The following PLEKHA8 variants were observed in gnomAD, a reference collection of about 807,000 sequenced individuals.
PLEKHA8 encodes pleckstrin homology domain containing A8, also known as pleckstrin homology domain-containing family A member 8.
In PLEKHA8, 36 loss-of-function variants were observed where a neutral mutation model predicts 68.2. The observed-to-expected ratio is 0.53, with a 90% CI of 0.40 to 0.70. The LOEUF is 0.70. Ranked by LOEUF, PLEKHA8 falls within the 30% of genes least tolerant of loss-of-function variation. The probability of loss-of-function intolerance (pLI) is 0.00; values close to 1 mark genes in which losing one functional copy is unlikely to be tolerated. For synonymous variants in PLEKHA8, 211 were observed against 216.1 expected (o/e 0.98, Z 0.20); for missense variants, 505 against 615.4 (o/e 0.82, Z 1.90).
rs1796472442 is a variant in PLEKHA8 at position 30,115,857 on chromosome 7, T to TGCGTGTACATACATGTATACATACAC, written c.1363-13409_1363-13408insGCGTGTACATACATGTATACATACAC. 4.0e-5 allele frequency: 6 copies of TGCGTGTACATACATGTATACATACAC among 148,908 alleles called. 1 individual carries two copies. Among genetic ancestry groups the TGCGTGTACATACATGTATACATACAC allele is most frequent in the African/African-American group, 1.5e-4 (6 of 40,752 alleles). The allele number at this position is 148,908 out of a possible 1,614,324, so 9.2% of individuals were successfully genotyped here. Reference sequence around the variant, plus strand: ...ATACATGTATACACGTATGCATACATACGTGCACATACATGTAGGCACGCA... The same window carrying TGCGTGTACATACATGTATACATACAC: ...ATACATGTATACACGTATGCATACATGCGTGTACATACATGTATACATACACACGTGCACATACATGTAGGCACGCA... On this transcript the variant is annotated intron_variant, in intron 13 of 13. Coordinates refer to the PLEKHA8 transcript ENST00000396257.
chr7:30,079,350 T>G lies in PLEKHA8; in HGVS notation c.*563T>G, dbSNP rs568303654. 4.1e-6 allele frequency: 4 copies of G among 985,968 alleles called. No individual in the cohort carries two copies. The East Asian group carries it at 3.4e-4, about 84-fold the overall frequency. 61.1% of individuals were successfully genotyped at this position (985,968 alleles called of 1,614,324 possible). A position where few individuals can be genotyped will look rare whatever the true frequency, so the allele number is the denominator to read the frequency against. On this transcript the variant is annotated 3_prime_UTR_variant, in exon 14 of 14. Transcript: ENST00000449726. ...TCAGGGCATTCACATGACCATGCAA[T>G]TGTGGGAGGCGAAGAAGACGTGGAC... is the stretch of plus-strand genomic sequence containing the variant.
chr7:30,116,396 C>G (rs1449192578), intron 13 of PLEKHA8, among the ~76,000 whole-genome samples: 1 of 151,764 alleles, frequency 6.6e-6, no homozygotes, highest in Admixed American at 6.6e-5. Context: ...CGATTTTTCA[C>G]CTAATAGTGT....
chr7:30,069,927 C>G (rs1794123878), intron 12 of PLEKHA8: 1 of 152,114 alleles, frequency 6.6e-6, no homozygotes, highest in Non-Finnish European at 1.5e-5. Flanking sequence ...TTATGTCTTT[C>G]AGAGGCCAAA....
chr7:30,047,210 G>T (rs1204005668), intron 3 of PLEKHA8, among the ~76,000 whole-genome samples: 1 of 151,992 alleles, frequency 6.6e-6, no homozygotes, highest in African/African-American at 2.4e-5. Context: ...AGATAGTAAT[G>T]TGCACTTTTT....
intron 9 of PLEKHA8, among the ~76,000 whole-genome samples, chr7:30,055,573 A>G (rs1323779254): frequency 1.3e-5 from 2 of 152,242 alleles, no homozygotes; most frequent in Non-Finnish European, 2.9e-5. Flanking sequence ...GTAATTTAAA[A>G]GGGGGATCTT....
Position 30,028,776 on chromosome 7 carries a change from T to G in PLEKHA8, c.14T>G (p.Leu5Arg). 1 of 1,270,930 alleles carries G rather than the reference T, an allele frequency of 7.9e-7. No individual in the cohort carries two copies. Among genetic ancestry groups the G allele is most frequent in the Non-Finnish European group, 1.0e-6 (1 of 1,002,324 alleles). 78.7% of individuals were successfully genotyped at this position (1,270,930 alleles called of 1,614,324 possible). The stretch of plus-strand genomic sequence containing the variant: ...GCCGCGGGCGCCATGGAGGGGGTGC[T>G]GTACAAGTGGACCAACTATCTGAGC... MEGVLYKWTNYLSGW... is the reference protein window; with the variant it reads MEGVRYKWTNYLSGW... Residue 5 changes from leucine to arginine, a missense_variant, in exon 1 of 14, where the codon CTG becomes CGG. Leu to Arg is a moderately radical substitution (Grantham distance 102, BLOSUM62 -2). Coordinates refer to ENST00000449726, the MANE Select transcript of PLEKHA8 (RefSeq NM_001197026.2).
chr7:30,126,831 T>C (rs556364728), intron 13 of PLEKHA8, among the ~76,000 whole-genome samples: 1 of 152,306 alleles, frequency 6.6e-6, no homozygotes, highest in South Asian at 2.1e-4. Flanking sequence ...ATCATGAGAA[T>C]AGCACAGGAA....
chr7:30,088,666 T>A (rs1267659751), downstream of PLEKHA8, among the ~76,000 whole-genome samples: 1 of 152,098 alleles, frequency 6.6e-6, no homozygotes, highest in East Asian at 1.9e-4. Context: ...TAAAAAAAAT[T>A]CACTAGCACC....
intron 12 of PLEKHA8, among the ~76,000 whole-genome samples, chr7:30,065,645 T>A (rs892823544): frequency 6.6e-6 from 1 of 152,140 alleles, no homozygotes; most frequent in Non-Finnish European, 1.5e-5. Context: ...TGTGTGCAAT[T>A]TATATGCCAT....
chr7:30,092,830 G>T (rs1177771730), downstream of PLEKHA8, among the ~76,000 whole-genome samples: 1 of 152,162 alleles, frequency 6.6e-6, no homozygotes, highest in Non-Finnish European at 1.5e-5. Context: ...TTCCCCTAGG[G>T]TTAAAGTGAG....
At chr7:30,077,274 G>C (rs1434258400) in intron 13 of PLEKHA8, among the ~76,000 whole-genome samples, 2 of 152,098 alleles carry the variant, frequency 1.3e-5, no homozygotes, top group African/African-American at 4.8e-5. Context: ...GAAATTTCAT[G>C]ATGTGCCCTT....
downstream of PLEKHA8, among the ~76,000 whole-genome samples, chr7:30,093,720 G>C (rs962473069): frequency 6.6e-6 from 1 of 152,212 alleles, no homozygotes; most frequent in African/African-American, 2.4e-5. Flanking sequence ...AAAGCTTGGT[G>C]TTTCCATCAT....
In PLEKHA8 at chr7:30,078,907, G is replaced by A; in HGVS notation, c.*120G>A. On this transcript the variant is annotated 3_prime_UTR_variant, in exon 14 of 14. Coordinates refer to ENST00000449726, the MANE Select transcript of PLEKHA8 (RefSeq NM_001197026.2). Reference sequence around the variant, plus strand: ...ACCCCTTCACCTGGGGGGATGGACAGGAGGTGGCAAAACCCAGTGCTTTTA... The same window carrying A: ...ACCCCTTCACCTGGGGGGATGGACAAGAGGTGGCAAAACCCAGTGCTTTTA... The A allele has an allele frequency of 1.4e-6, 2 of 1,447,644 alleles. No homozygotes were observed. The highest frequency in any genetic ancestry group is 3.0e-5 in the South Asian group (2 of 67,032). The allele number at this position is 1,447,644 out of a possible 1,614,324, so 89.7% of individuals were successfully genotyped here.
intron 13 of PLEKHA8, 42 bp downstream of exon 13, chr7:30,074,174 T>C: frequency 6.5e-7 from 1 of 1,542,172 alleles, no homozygotes; most frequent in Admixed American, 1.7e-5. Context: ...CTGTATTGGG[T>C]ATGCCAGTGG....
exon 13 of PLEKHA8, chr7:30,090,387 A>T (rs1299083577): frequency 3.6e-6 from 2 of 553,998 alleles, no homozygotes; most frequent in Non-Finnish European, 6.3e-6. Context: ...GTCAAATCTA[A>T]TGTCAAGTTC....
At chr7:30,067,591 C>G (rs1371288250) in intron 12 of PLEKHA8, among the ~76,000 whole-genome samples, 1 of 152,200 alleles carries the variant, frequency 6.6e-6, no homozygotes, top group Non-Finnish European at 1.5e-5. Context: ...TGACTCCCAT[C>G]GTTTTCCAGA....
intron 4 of PLEKHA8, among the ~76,000 whole-genome samples, chr7:30,048,547 C>A (rs1792146483): frequency 6.6e-6 from 1 of 152,116 alleles, no homozygotes; most frequent in Non-Finnish European, 1.5e-5. Context: ...AGTCATTATT[C>A]ATTTATTTTA....
intron 13 of PLEKHA8, among the ~76,000 whole-genome samples, chr7:30,112,859 C>G (rs1412697560): frequency 6.6e-6 from 1 of 151,848 alleles, no homozygotes; most frequent in Non-Finnish European, 1.5e-5. Context: ...TGTGATATAC[C>G]ACTGCACTCC....
intron 13 of PLEKHA8, among the ~76,000 whole-genome samples, chr7:30,123,735 C>G (rs1796730095): frequency 6.6e-6 from 1 of 152,136 alleles, no homozygotes; most frequent in South Asian, 2.1e-4. Flanking sequence ...AGAGCCAGCA[C>G]AGAGGAAAAC....
Sources: gnomAD v4.1 joint callset for allele counts (sites outside exome capture counted in the v4.1 genomes callset) on GRCh38, gnomAD v4.1.1 for gene constraint, MANE v1.5 for transcripts, NCBI Gene and HGNC (gene_info 2026-07-23, HGNC 2026-07-21) for gene names.